CSRP3: variants seen among roughly 807,000 people sequenced by gnomAD.
The protein encoded by CSRP3 is cysteine and glycine rich protein 3.
A neutral mutation model predicts 24.3 loss-of-function variants in CSRP3; 24 were observed. That is an observed-to-expected ratio of 0.99 (90% CI 0.71 to 1.39). CSRP3 has a LOEUF of 1.39. Among genes scored for constraint, CSRP3 ranks in the 40% most tolerant of loss-of-function variants. CSRP3 has a pLI of 0.00. For missense variants in CSRP3, 240 were observed against 249.0 expected, an observed-to-expected ratio of 0.96 and a Z score of 0.24; for synonymous variants, 105 against 94.0, an observed-to-expected ratio of 1.12 and a Z score of -0.68.
At chr11:19,200,486 T>C (rs1167187009) in intron 1 of CSRP3, among the ~76,000 whole-genome samples, 2 of 152,068 alleles carry the variant, frequency 1.3e-5, no homozygotes, top group African/African-American at 4.8e-5. Context: ...CCCTCCCTCC[T>C]TCTCTCTTTC....
rs1415212138 is a variant in CSRP3 at position 19,186,233 on chromosome 11, C to A, written c.397G>T (p.Val133Phe). ...CGKSVYAAEK[V>F]MGGGKPWHKT... The stretch of plus-strand genomic sequence containing the variant: ...GGTCTTACCTTGCCACCTCCCATAA[C>A]CTTCTCAGCAGCATAGACTGACTTG... The change falls in exon 4 of 6, where the codon GTT becomes TTT. Residue 133 changes from valine to phenylalanine, a missense_variant. Transcript: ENST00000265968. 6.2e-7 allele frequency: 1 copy of A among 1,614,202 alleles called. No individual in the cohort carries two copies.
intron 5 of CSRP3, 128 bp downstream of exon 5, chr11:19,184,824 C>G: frequency 1.3e-6 from 1 of 771,932 alleles, no homozygotes; most frequent in Non-Finnish European, 2.3e-6. Flanking sequence ...GAGAACCCAA[C>G]GCTGCCCAGG....
At chr11:19,182,868 A>G (rs1033593587) in intron 5 of CSRP3, 122 bp from the exon 6 acceptor site, 2 of 786,210 alleles carry the variant, frequency 2.5e-6, no homozygotes, top group South Asian at 2.8e-5. Flanking sequence ...AGATTTATGC[A>G]TAAGTTCGCC....
chr11:19,187,744 T>C (rs1217201134), intron 3 of CSRP3, among the ~76,000 whole-genome samples: 1 of 152,216 alleles, frequency 6.6e-6, no homozygotes, highest in Non-Finnish European at 1.5e-5. Context: ...GAAGAAATCT[T>C]TTCATGACAG....
At chr11:19,191,144 G>T (rs1850607253) in intron 2 of CSRP3, among the ~76,000 whole-genome samples, 1 of 152,208 alleles carries the variant, frequency 6.6e-6, no homozygotes, top group South Asian at 2.1e-4. Flanking sequence ...TGGAGAAATT[G>T]AGGTTCACCA....
chr11:19,198,284 A>G (rs1190258658), intron 1 of CSRP3, among the ~76,000 whole-genome samples: 1 of 152,206 alleles, frequency 6.6e-6, no homozygotes, highest in East Asian at 1.9e-4. Flanking sequence ...GCTCCTGTTT[A>G]TAACACTGGA....
At chr11:19,201,595 C>T (rs1850844127) in intron 1 of CSRP3, among the ~76,000 whole-genome samples, 1 of 152,210 alleles carries the variant, frequency 6.6e-6, no homozygotes, top group South Asian at 2.1e-4. Flanking sequence ...GGTTGTAAGA[C>T]GAGAAGGTCA....
chr11:19,189,307 A>G (rs1294849153), intron 2 of CSRP3, among the ~76,000 whole-genome samples: 1 of 152,200 alleles, frequency 6.6e-6, no homozygotes, highest in Non-Finnish European at 1.5e-5. Context: ...TAGAAATTGC[A>G]TCTCAACAAG....
chr11:19,200,323 A>G (rs1452729872), intron 1 of CSRP3, among the ~76,000 whole-genome samples: 1 of 152,132 alleles, frequency 6.6e-6, no homozygotes. Context: ...TCTATAACTG[A>G]TTATCTTTAT....
chr11:19,186,291 C>T lies in CSRP3; in HGVS notation c.339G>A (p.Lys113=), dbSNP rs1394465819. 1.2e-6 allele frequency: 2 copies of T among 1,614,096 alleles called. No homozygotes were observed. The highest frequency in any genetic ancestry group is 1.7e-6 in the Non-Finnish European group (2 of 1,180,038). The change falls in exon 4 of 6, where the codon AAG becomes AAA. Residue 113 remains lysine (K), a synonymous_variant. Coordinates refer to ENST00000265968, the MANE Select transcript of CSRP3 (RefSeq NM_003476.5). ...GAGGGCACTTCTCGGACTCTCCAAA[C>T]TTCGCAGTGAATTTGGAAGGGTTGC... ...TTSNPSKFTA[K]FGESEKCPRC... is the part of the protein sequence containing the mutation.
At chr11:19,188,024 C>A in intron 3 of CSRP3, 112 bp downstream of exon 3, 1 of 1,286,232 alleles carries the variant, frequency 7.8e-7, no homozygotes. Flanking sequence ...GTTGGCAAGT[C>A]AACAATAGAG....
rs104894205 is a variant in CSRP3 at position 19,188,286 on chromosome 11, A to G, written c.131T>C (p.Leu44Pro). ...CFHCMACRKA[L>P]DSTTVAAHES... ...ATGAGCCGCGACTGTCGTGCTGTCAAGAGCCTTCCTGCAGGCCACTGCCAG... is the reference window on the plus strand; with the variant it reads ...ATGAGCCGCGACTGTCGTGCTGTCAGGAGCCTTCCTGCAGGCCACTGCCAG... The change falls in exon 3 of 6, where the codon CTT becomes CCT. Residue 44 changes from leucine (L) to proline (P), a missense_variant. Physicochemically the swap from Leu to Pro is moderately conservative, Grantham distance 98. Transcript: ENST00000265968. 65 of 1,612,474 alleles carry G rather than the reference A, an allele frequency of 4.0e-5. No homozygotes were observed. Among genetic ancestry groups the G allele is most frequent in the Non-Finnish European group, 5.3e-5 (63 of 1,180,038 alleles).
intron 1 of CSRP3, among the ~76,000 whole-genome samples, chr11:19,197,290 A>G (rs932636336): frequency 6.6e-6 from 1 of 152,012 alleles, no homozygotes; most frequent in Non-Finnish European, 1.5e-5. Flanking sequence ...TTTCAAAAGA[A>G]TAACTAAACT....
chr11:19,187,267 C>T (rs1388937112), intron 3 of CSRP3, among the ~76,000 whole-genome samples: 2 of 152,242 alleles, frequency 1.3e-5, no homozygotes, highest in African/African-American at 2.4e-5. Flanking sequence ...TGACTAATCA[C>T]ACATCTCTCC....
At position 19,183,224 on chromosome 11, in the gene CSRP3, T is replaced by C. The variant is rs181730834; in HGVS notation, c.509-478A>G. Among the ~76,000 whole-genome samples the C allele has an allele frequency of 2.1e-3, 319 of 152,290 alleles. 1 individual carries two copies. The highest frequency in any genetic ancestry group is 7.0e-3 in the African/African-American group (292 of 41,564). On this transcript the variant is annotated intron_variant, in intron 5 of 5. Coordinates refer to ENST00000265968, the MANE Select transcript of CSRP3 (RefSeq NM_003476.5). The stretch of plus-strand genomic sequence containing the variant: ...TTTAAAATAAATTTAACAATACTTA[T>C]CTTAGATCTGTTAATAAAAATTGTT...
chr11:19,195,964 T>C (rs1331787352), intron 1 of CSRP3, among the ~76,000 whole-genome samples: 1 of 152,198 alleles, frequency 6.6e-6, no homozygotes, highest in African/African-American at 2.4e-5. Context: ...AGGTAGAGGA[T>C]ATTTTAAAGC....
chr11:19,191,780 C>A (rs939468350), intron 2 of CSRP3, among the ~76,000 whole-genome samples: 2 of 152,132 alleles, frequency 1.3e-5, no homozygotes, highest in Admixed American at 6.5e-5. Context: ...CAGTGTCTGG[C>A]GGGTAATGGT....
chr11:19,201,352 A>C (rs976321637), intron 1 of CSRP3, among the ~76,000 whole-genome samples: 5 of 152,276 alleles, frequency 3.3e-5, no homozygotes, highest in African/African-American at 7.2e-5. Flanking sequence ...CAACAAGCCC[A>C]AAATCTCAGT....
intron 1 of CSRP3, among the ~76,000 whole-genome samples, chr11:19,198,082 C>T (rs984960499): frequency 5.3e-5 from 8 of 152,168 alleles, no homozygotes; most frequent in African/African-American, 1.9e-4. Flanking sequence ...CAAAGCTTTA[C>T]ATATATTATT....
Sources: allele counts gnomAD v4.1 joint callset (sites outside exome capture counted in the v4.1 genomes callset), GRCh38; gene constraint gnomAD v4.1.1; transcripts MANE v1.5; gene names NCBI Gene and HGNC (gene_info 2026-07-23, HGNC 2026-07-21).